The following ANKRD26 variants were observed in gnomAD, a reference collection of about 807,000 sequenced individuals.
ANKRD26 encodes ankyrin repeat domain 26.
A neutral mutation model predicts 208.7 loss-of-function variants in ANKRD26; 141 were observed. The observed-to-expected ratio is 0.68, with a 90% CI of 0.59 to 0.78. The LOEUF is 0.78. Ranked by LOEUF, ANKRD26 falls within the 30% of genes least tolerant of loss-of-function variation. ANKRD26 has a pLI of 0.00. For missense variants in ANKRD26, 1,889 were observed against 1,938.7 expected (o/e 0.97, Z 0.48); for synonymous variants, 636 against 660.4 (o/e 0.96, Z 0.57).
intron 5 of ANKRD26, among the ~76,000 whole-genome samples, chr10:26,979,930 GTT>G (rs35002427): frequency 7.3e-5 from 11 of 150,344 alleles, no homozygotes; most frequent in African/African-American, 1.2e-4. Flanking sequence ...GCAGTCTTTT[GTT>G]TTTTTTTTCC....
chr10:27,082,742 T>G (rs951791810), intron 6 of ANKRD26, 61 bp downstream of exon 6: 5 of 1,528,518 alleles, frequency 3.3e-6, no homozygotes, highest in African/African-American at 1.4e-5. Context: ...AGTAGGGCAC[T>G]CAACAGTTTC....
chr10:27,074,809 A>G (rs188012488), intron 9 of ANKRD26, among the ~76,000 whole-genome samples: 2 of 151,932 alleles, frequency 1.3e-5, no homozygotes, highest in Admixed American at 1.3e-4. Context: ...AAAATAAAAT[A>G]AATAAATAAG....
chr10:26,985,010 G>T (rs2052362784), intron 3 of ANKRD26, among the ~76,000 whole-genome samples: 1 of 152,192 alleles, frequency 6.6e-6, no homozygotes, highest in African/African-American at 2.4e-5. Flanking sequence ...GGACTTCACA[G>T]AGTGGAATCA....
At chr10:27,048,742 A>C (rs2054546716) in intron 17 of ANKRD26, 59 bp downstream of exon 17, 2 of 1,535,278 alleles carry the variant, frequency 1.3e-6, no homozygotes, top group East Asian at 2.3e-5. Flanking sequence ...TATTAGTCCA[A>C]ATTAGAATTT....
chr10:27,021,034 A>T (rs2053470466), intron 29 of ANKRD26, among the ~76,000 whole-genome samples: 1 of 152,170 alleles, frequency 6.6e-6, no homozygotes, highest in Admixed American at 6.5e-5. Flanking sequence ...CAGGCTTGTT[A>T]CTATACTGCA....
chr10:27,060,021 G>A (rs1396737155), intron 15 of ANKRD26, among the ~76,000 whole-genome samples: 1 of 152,140 alleles, frequency 6.6e-6, no homozygotes, highest in Non-Finnish European at 1.5e-5. Context: ...CCAACATGGT[G>A]AAACCCCATC....
At chr10:26,954,560 C>G in the ANKRD26 span, among the ~76,000 whole-genome samples, 94,547 of 151,870 alleles carry the variant, frequency 0.62, 30,122 homozygotes, top group African/African-American at 0.76. Context: ...ATCCTGCTAG[C>G]GTATTAATTG....
intron 4 of ANKRD26, among the ~76,000 whole-genome samples, chr10:26,997,070 AT>A (rs879311581): frequency 3.1e-4 from 47 of 151,462 alleles, no homozygotes; most frequent in African/African-American, 3.6e-4. Flanking sequence ...ATAAAAAAAA[AT>A]ATACGGTCAT....
intron 4 of ANKRD26, among the ~76,000 whole-genome samples, chr10:26,996,104 T>G (rs927403525): frequency 4.6e-5 from 7 of 152,174 alleles, no homozygotes; most frequent in African/African-American, 1.7e-4. Context: ...GAAGGGTATG[T>G]GAGTGTCTAA....
chr10:27,010,157 T>C (rs532066331), intron 32 of ANKRD26, among the ~76,000 whole-genome samples: 1 of 152,172 alleles, frequency 6.6e-6, no homozygotes, highest in South Asian at 2.1e-4. Context: ...TCAAAAAAAT[T>C]TTTTTAATGT....
At chr10:27,067,079 T>C in intron 10 of ANKRD26, 78 bp downstream of exon 10, 1 of 1,532,562 alleles carries the variant, frequency 6.5e-7, no homozygotes, top group Non-Finnish European at 8.9e-7. Flanking sequence ...AGTGCTGGGA[T>C]CACAGGTGTG....
intron 5 of ANKRD26, among the ~76,000 whole-genome samples, chr10:27,083,894 C>G (rs2056017054): frequency 6.6e-6 from 1 of 152,114 alleles, no homozygotes; most frequent in Non-Finnish European, 1.5e-5. Flanking sequence ...ATTACAATGG[C>G]AGGGTTGCAT....
intron 10 of ANKRD26, 67 bp downstream of exon 10, chr10:27,067,090 A>G: frequency 3.8e-6 from 6 of 1,561,604 alleles, no homozygotes; most frequent in Non-Finnish European, 5.3e-6. Context: ...CACAGGTGTG[A>G]GCCACATCTG....
chr10:27,043,230 C>T (rs1265171892), intron 20 of ANKRD26, among the ~76,000 whole-genome samples, 196 bp downstream of exon 20: 1 of 150,106 alleles, frequency 6.7e-6, no homozygotes, highest in African/African-American at 2.4e-5. Flanking sequence ...AAAAAAATCC[C>T]TGCAAAAAAT....
chr10:27,019,259 TA>T (rs973185551), intron 29 of ANKRD26, among the ~76,000 whole-genome samples: 2 of 151,218 alleles, frequency 1.3e-5, no homozygotes, highest in South Asian at 2.1e-4. Context: ...CAGCCTGGGT[TA>T]AAAAAAAGAA....
intron 5 of ANKRD26, among the ~76,000 whole-genome samples, chr10:27,084,068 C>T (rs1307242221): frequency 6.6e-6 from 1 of 151,842 alleles, no homozygotes; most frequent in Non-Finnish European, 1.5e-5. Context: ...CAAAAAGTAG[C>T]CAGGCATGGT....
chr10:26,987,280 T>C (rs1335823340), downstream of ANKRD26, among the ~76,000 whole-genome samples: 2 of 150,888 alleles, frequency 1.3e-5, no homozygotes, highest in Non-Finnish European at 2.9e-5. Context: ...GGGCCTGTTG[T>C]GGGGTGGGGG....
At chr10:26,998,582 G>A (rs757478194) in intron 4 of ANKRD26, among the ~76,000 whole-genome samples, 75 of 152,196 alleles carry the variant, frequency 4.9e-4, no homozygotes, top group African/African-American at 1.6e-3. Flanking sequence ...GCTCAAATTC[G>A]TGGGCAAACC....
At chr10:27,091,347 C>A (rs1009241794) in intron 4 of ANKRD26, among the ~76,000 whole-genome samples, 1 of 152,134 alleles carries the variant, frequency 6.6e-6, no homozygotes, top group Non-Finnish European at 1.5e-5. Context: ...GAATTTAAAG[C>A]CTCTTTTCTC....
Sources: gnomAD v4.1 joint callset for allele counts (sites outside exome capture counted in the v4.1 genomes callset) on GRCh38, gnomAD v4.1.1 for gene constraint, MANE v1.5 for transcripts, NCBI Gene and HGNC (gene_info 2026-07-23, HGNC 2026-07-21) for gene names.